Variants in DNAH11 observed in about 807,000 individuals in gnomAD.
DNAH11 encodes dynein axonemal heavy chain 11, also known as axonemal beta dynein heavy chain 11.
In DNAH11, 442 loss-of-function variants were observed where a neutral mutation model predicts 526.0. The ratio of observed to expected loss-of-function variants is 0.84; its 90% CI spans 0.78 to 0.91. The LOEUF (loss-of-function observed/expected upper bound fraction) is 0.91, where lower values mean the gene tolerates loss of function less well. Ranked by LOEUF, DNAH11 falls within the 40% of genes least tolerant of loss-of-function variation. The pLI, the probability that DNAH11 is intolerant of heterozygous loss-of-function variation, is 0.00. For synonymous variants in DNAH11, 2,461 were observed against 1,935.9 expected (o/e 1.27, Z -7.12); for missense variants, 6,989 against 5,448.7 (o/e 1.28, Z -8.90).
chr7:21,579,285 T>C (rs1562675825), intron 8 of DNAH11, among the ~76,000 whole-genome samples: 2 of 152,268 alleles, frequency 1.3e-5, no homozygotes, highest in South Asian at 2.1e-4. Context: ...TTCTGTAATA[T>C]ATATTTATTG....
Position 21,826,092 on chromosome 7 carries a change from T to C in DNAH11, c.10691+7753T>C, listed in dbSNP as rs143110035. The stretch of plus-strand genomic sequence containing the variant: ...GTATATTTTTTGGGTGATGGTTACA[T>C]TGAAAGCACAGACTTCACCACCACA... On this transcript the variant is annotated intron_variant, in intron 65 of 81. Coordinates refer to ENST00000409508, the MANE Select transcript of DNAH11 (RefSeq NM_001277115.2). Among the ~76,000 whole-genome samples, 191 of 152,286 alleles carry C rather than the reference T, an allele frequency of 1.3e-3. 1 individual carries two copies. The highest frequency in any genetic ancestry group is 4.0e-3 in the African/African-American group (168 of 41,556).
In DNAH11 at chr7:21,842,731, G is replaced by A. The variant is rs374860291; in HGVS notation, c.10879G>A (p.Asp3627Asn). 7 of 1,609,676 alleles carry A rather than the reference G, an allele frequency of 4.3e-6. No individual in the cohort carries two copies. In the African/African-American group the frequency reaches 6.7e-5, roughly 15 times the overall value. Residue 3627 changes from aspartate (D) to asparagine (N), a missense_variant, in exon 66 of 82, where the codon GAT becomes AAT. Physicochemically the swap from Asp to Asn is conservative, Grantham distance 23 (BLOSUM62 1). Transcript: ENST00000409508. ...LAEVVSIERP[D>N]LEKLKLVLTK... Reference sequence around the variant, plus strand: ...AGAGGTTGTCAGTATTGAAAGGCCAGATTTGGAGAAACTTAAGGTAAAAAT... The same window carrying A: ...AGAGGTTGTCAGTATTGAAAGGCCAAATTTGGAGAAACTTAAGGTAAAAAT...
intron 68 of DNAH11, among the ~76,000 whole-genome samples, chr7:21,860,304 A>G (rs1014702279): frequency 6.6e-6 from 1 of 151,828 alleles, no homozygotes; most frequent in South Asian, 2.1e-4. Flanking sequence ...AAAAGATAAC[A>G]AGTGTTGGTA....
intron 55 of DNAH11, among the ~76,000 whole-genome samples, chr7:21,767,593 C>A (rs6978810): frequency 0.22 from 33,543 of 152,010 alleles, 4,233 homozygotes; most frequent in East Asian, 0.53. Flanking sequence ...AAAACACTTT[C>A]CCATTTCTCT....
At chr7:21,739,218 C>G (rs1051118165) in intron 47 of DNAH11, among the ~76,000 whole-genome samples, 1 of 152,166 alleles carries the variant, frequency 6.6e-6, no homozygotes, top group Non-Finnish European at 1.5e-5. Context: ...TGTTTGGGCA[C>G]TGTAGTCTGC....
rs1785732526 is a variant in DNAH11, at chr7:21,738,729, A to T, written c.7674A>T (p.Lys2558Asn). 6.3e-7 allele frequency: 1 copy of T among 1,582,162 alleles called. No individual in the cohort carries two copies. Residue 2558 changes from lysine (K) to asparagine (N), a missense_variant, in exon 47 of 82, where the codon AAA becomes AAT. Transcript: ENST00000409508. ...QKILEKPLEK[K>N]AGHNYGPGGN... ...TTCTTGAGAAACCCCTAGAGAAAAAAGCTGGTCATAACTATGGTCCTGGAG... is the reference window on the plus strand; with the variant it reads ...TTCTTGAGAAACCCCTAGAGAAAAATGCTGGTCATAACTATGGTCCTGGAG...
At position 21,892,621 on chromosome 7, in the gene DNAH11, G is replaced by C; in HGVS notation, c.12704G>C (p.Arg4235Thr). 1.2e-6 allele frequency: 2 copies of C among 1,613,166 alleles called. No individual in the cohort carries two copies. Among genetic ancestry groups the C allele is most frequent in the Admixed American group, 3.3e-5 (2 of 59,882 alleles). The stretch of plus-strand genomic sequence containing the variant: ...AGAACTTTGCTGGAGATGCAGCCCA[G>C]GAATGCACTCAGTGGTGATGAACTG... ...LFRTLLEMQPRNALSGDELGQ... is the reference protein window; with the variant it reads ...LFRTLLEMQPTNALSGDELGQ... The change falls in exon 77 of 82, where the codon AGG (arginine) becomes ACG (threonine). Residue 4235 changes from arginine (R) to threonine (T), a missense_variant. By Grantham distance (71) the Arg-to-Thr change is moderately conservative. Coordinates refer to ENST00000409508, the MANE Select transcript of DNAH11 (RefSeq NM_001277115.2).
At chr7:21,652,434 C>CTA (rs1366488119) in intron 28 of DNAH11, among the ~76,000 whole-genome samples, 3 of 152,114 alleles carry the variant, frequency 2.0e-5, no homozygotes, top group Non-Finnish European at 4.4e-5. Flanking sequence ...TCGTTCTGTA[C>CTA]CTTAAGTAGT....
chr7:21,780,300 T>G (rs1787883153), intron 57 of DNAH11, among the ~76,000 whole-genome samples: 1 of 152,096 alleles, frequency 6.6e-6, no homozygotes, highest in Non-Finnish European at 1.5e-5. Context: ...ATCCCTGCAC[T>G]TAGGGAGGCA....
rs769803650 is a variant in DNAH11, at chr7:21,866,459, T to C, written c.11497-11T>C. 1 of 1,604,270 alleles carries C rather than the reference T, an allele frequency of 6.2e-7. No individual in the cohort carries two copies. The highest frequency in any genetic ancestry group is 1.3e-5 in the African/African-American group (1 of 74,354). ...CACACCATTCCTACTTGTTTCCCTA[T>C]CATATTACAGGCAATTGCCGTCATG... is the stretch of plus-strand genomic sequence containing the variant. On this transcript the variant is annotated splice_polypyrimidine_tract_variant and intron_variant, in intron 70 of 81. Transcript: ENST00000409508.
Position 21,723,051 on chromosome 7 carries a change from A to G in DNAH11, c.7266+2195A>G, listed in dbSNP as rs180845431. 2.7e-3 allele frequency among the ~76,000 whole-genome samples: 409 copies of G among 152,320 alleles called. 6 individuals carry two copies. Among genetic ancestry groups the G allele is most frequent in the African/African-American group, 9.3e-3 (388 of 41,570 alleles). On this transcript the variant is annotated intron_variant, in intron 44 of 81. Coordinates refer to ENST00000409508, the MANE Select transcript of DNAH11 (RefSeq NM_001277115.2). ...TAATTAATAGTCAACATGAGCAGCA[A>G]TAGCAGCTTAACATTTTCAAAAGGG...
chr7:21,763,461 A>G (rs1787022043), intron 54 of DNAH11, among the ~76,000 whole-genome samples: 1 of 152,020 alleles, frequency 6.6e-6, no homozygotes, highest in Non-Finnish European at 1.5e-5. Flanking sequence ...ATCACCTCAC[A>G]TAGGTTAGGA....
In DNAH11 at chr7:21,818,295, A is replaced by G; in HGVS notation, c.10647A>G (p.Pro3549=). The change falls in exon 65 of 82, where the codon CCA becomes CCG. Residue 3549 remains proline, a synonymous_variant. Transcript: ENST00000409508. ...AAAATCTCGAGGAAACGATAGATCC[A>G]GTCCTGGATCCACTACTTGGCAGGA... The part of the protein sequence containing the change: ...LIENLEETID[P]VLDPLLGRNT... The G allele has an allele frequency of 1.2e-6, 2 of 1,611,036 alleles. No individual in the cohort carries two copies. Among genetic ancestry groups the G allele is most frequent in the Admixed American group, 3.4e-5 (2 of 59,454 alleles).
chr7:21,704,372 T>C (rs2128479020), intron 37 of DNAH11, 62 bp from the exon 38 acceptor site: 2 of 1,468,510 alleles, frequency 1.4e-6, no homozygotes, highest in East Asian at 2.4e-5. Flanking sequence ...CAAACATCTT[T>C]AGTTTTTTAG....
At position 21,695,502 on chromosome 7, in the gene DNAH11, C is replaced by T. The variant is rs1048560229; in HGVS notation, c.6042-2573C>T. 5.3e-5 allele frequency among the ~76,000 whole-genome samples: 8 copies of T among 152,232 alleles called. 1 individual carries two copies. Among genetic ancestry groups the T allele is most frequent in the African/African-American group, 1.4e-4 (6 of 41,534 alleles). On this transcript the variant is annotated intron_variant, in intron 35 of 81. Transcript: ENST00000409508. ...AAAACAAGCAGTGGAGAAAGGATTC[C>T]GTATTTAATAAATGGTGCTGGTAAA...
chr7:21,635,196 C>T (rs1265314227), intron 25 of DNAH11, among the ~76,000 whole-genome samples: 1 of 152,058 alleles, frequency 6.6e-6, no homozygotes, highest in Admixed American at 6.6e-5. Flanking sequence ...CACTCTGTTG[C>T]CCAGGCTTGG....
At chr7:21,661,210 G>A (rs1026930920) in intron 30 of DNAH11, among the ~76,000 whole-genome samples, 2 of 151,968 alleles carry the variant, frequency 1.3e-5, no homozygotes, top group Non-Finnish European at 2.9e-5. Flanking sequence ...GGTGGGAGTG[G>A]TATTATTATT....
rs149260557 is a variant in DNAH11 at position 21,765,819 on chromosome 7, C to T, written c.9102+230C>T. ...ATACATACTGAGGAGGATGTGCACA[C>T]GTGCGTGAACACGGGCACGCACACA... On this transcript the variant is annotated intron_variant, in intron 55 of 81. Transcript: ENST00000409508. Among the ~76,000 whole-genome samples the T allele has an allele frequency of 6.2e-4, 95 of 152,322 alleles. 1 individual carries two copies. Among genetic ancestry groups the T allele is most frequent in the African/African-American group, 2.1e-3 (87 of 41,584 alleles).
At position 21,748,762 on chromosome 7, in the gene DNAH11, A is replaced by G. The variant is rs1334063554; in HGVS notation, c.8673+20A>G. 7 of 1,607,154 alleles carry G rather than the reference A, an allele frequency of 4.4e-6. No homozygotes were observed. Among genetic ancestry groups the G allele is most frequent in the Non-Finnish European group, 6.0e-6 (7 of 1,176,072 alleles). On this transcript the variant is annotated intron_variant, in intron 52 of 81. Transcript: ENST00000409508. ...CTTCGGGTGAGTCAAGGGGACAGGC[A>G]GTTCTTCTGACCCTTCTGCTTGGCA... is the stretch of plus-strand genomic sequence containing the variant.
Sources: allele counts gnomAD v4.1 joint callset (sites outside exome capture counted in the v4.1 genomes callset), GRCh38; gene constraint gnomAD v4.1.1; transcripts MANE v1.5; gene names NCBI Gene and HGNC (gene_info 2026-07-23, HGNC 2026-07-21).